HLCS: variants seen among roughly 807,000 people sequenced by gnomAD.
HLCS encodes the protein biotin--protein ligase.
HLCS carries 53 observed loss-of-function variants against 75.0 expected under a neutral mutation model. The observed-to-expected ratio is 0.71, with a 90% CI of 0.57 to 0.89. The LOEUF (loss-of-function observed/expected upper bound fraction) is 0.89. Among genes scored for constraint, HLCS ranks in the 40% least tolerant of loss-of-function variants. HLCS has a pLI of 0.00. For synonymous variants in HLCS, 431 were observed against 428.6 expected, an observed-to-expected ratio of 1.01 and a Z score of -0.07; for missense variants, 966 against 1,074.0, an observed-to-expected ratio of 0.90 and a Z score of 1.41.
chr21:36,763,678 A>G (rs2089932011), intron 8 of HLCS, among the ~76,000 whole-genome samples: 1 of 152,196 alleles, frequency 6.6e-6, no homozygotes, highest in African/African-American at 2.4e-5. Flanking sequence ...CTTTAGCCTG[A>G]CATAGGAGCT....
At chr21:36,931,988 A>G (rs936186963) in intron 4 of HLCS, among the ~76,000 whole-genome samples, 5 of 152,112 alleles carry the variant, frequency 3.3e-5, no homozygotes, top group African/African-American at 1.2e-4. Context: ...CGATGCGTCT[A>G]CATGGTCCTG....
intron 2 of HLCS, among the ~76,000 whole-genome samples, chr21:36,948,955 A>G (rs1220590268): frequency 1.3e-5 from 2 of 152,128 alleles, no homozygotes; most frequent in East Asian, 3.9e-4. Context: ...TAATACAAAT[A>G]TTATGAGAAT....
At chr21:36,797,101 A>G (rs2061049409) in intron 6 of HLCS, among the ~76,000 whole-genome samples, 1 of 152,086 alleles carries the variant, frequency 6.6e-6, no homozygotes, top group South Asian at 2.1e-4. Context: ...TCCTGACCTC[A>G]AGTGATCCAC....
At chr21:36,891,181 C>T (rs1029535451) in intron 6 of HLCS, among the ~76,000 whole-genome samples, 3 of 152,212 alleles carry the variant, frequency 2.0e-5, no homozygotes, top group Non-Finnish European at 4.4e-5. Context: ...TTTACCCCTT[C>T]CTCCCACTTA....
chr21:36,851,940 C>T (rs1031635221), intron 6 of HLCS: 1 of 152,284 alleles, frequency 6.6e-6, no homozygotes, highest in Admixed American at 6.5e-5. Context: ...CGCAGGCACC[C>T]TGCTTGTCCG....
At chr21:36,916,696 C>T (rs2065949153) in intron 5 of HLCS, among the ~76,000 whole-genome samples, 1 of 151,976 alleles carries the variant, frequency 6.6e-6, no homozygotes, top group Non-Finnish European at 1.5e-5. Context: ...AATCTTACTA[C>T]TCTAAGAACT....
intron 6 of HLCS, among the ~76,000 whole-genome samples, chr21:36,796,001 T>C (rs1252406942): frequency 6.6e-6 from 1 of 152,238 alleles, no homozygotes; most frequent in African/African-American, 2.4e-5. Flanking sequence ...GTGGATTTAG[T>C]AAACCAAGCA....
intron 5 of HLCS, among the ~76,000 whole-genome samples, chr21:36,906,692 T>C (rs1471908757): frequency 2.0e-5 from 3 of 151,962 alleles, no homozygotes; most frequent in African/African-American, 7.3e-5. Context: ...TTTTTTTTTT[T>C]TTGTAGAAAT....
At chr21:36,868,287 G>GAAAGAAAGAAAGAAAGAAAGAAAGAAAA (rs1342488024) in intron 6 of HLCS, among the ~76,000 whole-genome samples, 2 of 150,862 alleles carry the variant, frequency 1.3e-5, no homozygotes, top group African/African-American at 4.9e-5. Context: ...AAGAAAGAAA[G>GAAAGAAAGAAAGAAAGAAAGAAAGAAAA]AAAGAAAAAG....
chr21:36,855,841 G>A (rs1370038437), intron 6 of HLCS, among the ~76,000 whole-genome samples: 1 of 152,174 alleles, frequency 6.6e-6, no homozygotes. Flanking sequence ...GCTTCCCAAA[G>A]TGCTGGGATT....
chr21:36,767,677 T>A (rs926969236), intron 6 of HLCS, among the ~76,000 whole-genome samples: 1 of 152,064 alleles, frequency 6.6e-6, no homozygotes, highest in African/African-American at 2.4e-5. Context: ...TTCCTGACAT[T>A]TGTTCCTACT....
chr21:36,930,510 CT>C (rs372165359), intron 4 of HLCS, 77 bp from the exon 5 acceptor site: 34,491 of 929,450 alleles, frequency 0.037, no homozygotes, highest in South Asian at 0.042. Flanking sequence ...TTTTCTTTTT[CT>C]TTTTTTTTTT....
chr21:36,920,395 T>G (rs2066113320), intron 5 of HLCS, among the ~76,000 whole-genome samples: 1 of 149,002 alleles, frequency 6.7e-6, no homozygotes, highest in South Asian at 2.1e-4. Context: ...GAGATGGGAA[T>G]GGTTAATGGA....
chr21:36,850,267 A>G (rs542842281), intron 6 of HLCS, among the ~76,000 whole-genome samples: 1 of 152,354 alleles, frequency 6.6e-6, no homozygotes, highest in East Asian at 1.9e-4. Context: ...TTCTCTACAA[A>G]TGTTCTCTAC....
intron 6 of HLCS, among the ~76,000 whole-genome samples, chr21:36,877,423 A>G (rs2064027546): frequency 6.6e-6 from 1 of 151,342 alleles, no homozygotes; most frequent in South Asian, 2.1e-4. Flanking sequence ...TTTAGTGGTT[A>G]TCCTAGGGAT....
intron 6 of HLCS, among the ~76,000 whole-genome samples, chr21:36,832,593 A>G (rs144055400): frequency 9.2e-5 from 14 of 152,336 alleles, no homozygotes; most frequent in African/African-American, 3.4e-4. Context: ...CAGTATCTTC[A>G]CTTTACAGAT....
chr21:36,914,740 G>A lies in HLCS; in HGVS notation c.1620+15511C>T, dbSNP rs531821996. Among the ~76,000 whole-genome samples the A allele has an allele frequency of 3.3e-5, 5 of 152,342 alleles. No homozygotes were observed. In the South Asian group the frequency reaches 8.3e-4, roughly 25 times the overall value. ...CAGGGTTGGCTCTAACGGCGAGGGCGGCTCTATGGGGCAGCTCAGCCACTG... is the reference window on the plus strand; with the variant it reads ...CAGGGTTGGCTCTAACGGCGAGGGCAGCTCTATGGGGCAGCTCAGCCACTG... On this transcript the variant is annotated intron_variant, in intron 5 of 10. Transcript: ENST00000674895.
chr21:36,763,672 A>T (rs1210838163), intron 8 of HLCS, among the ~76,000 whole-genome samples: 11 of 152,176 alleles, frequency 7.2e-5, no homozygotes, highest in Non-Finnish European at 1.5e-4. Context: ...ATTTCTCTTT[A>T]GCCTGACATA....
chr21:36,886,247 C>T (rs932007778), intron 6 of HLCS, among the ~76,000 whole-genome samples: 9 of 151,530 alleles, frequency 5.9e-5, no homozygotes, highest in African/African-American at 1.9e-4. Context: ...CTGGTGAACA[C>T]GGTGAAACCC....
Sources: allele counts gnomAD v4.1 joint callset (sites outside exome capture counted in the v4.1 genomes callset), GRCh38; gene constraint gnomAD v4.1.1; transcripts MANE v1.5; gene names NCBI Gene and HGNC (gene_info 2026-07-23, HGNC 2026-07-21).